BRMS1: variants seen among roughly 807,000 people sequenced by gnomAD.
BRMS1 encodes breast cancer metastasis-suppressor 1.
Under a neutral mutation model 40.4 loss-of-function variants are expected in BRMS1, and 26 were observed. That is an observed-to-expected ratio of 0.64 (90% CI 0.47 to 0.89). BRMS1 has a LOEUF of 0.89. BRMS1 is among the 40% of genes least tolerant of loss of function. The pLI, the probability that BRMS1 is intolerant of heterozygous loss-of-function variation, is 0.00. For missense variants in BRMS1, 289 were observed against 309.4 expected, an observed-to-expected ratio of 0.93 and a Z score of 0.49; for synonymous variants, 103 against 116.0, an observed-to-expected ratio of 0.89 and a Z score of 0.72.
chr11:66,342,056 C>CTGCGTG, intron 2 of BRMS1, 40 bp downstream of exon 2: 1 of 1,490,350 alleles, frequency 6.7e-7, no homozygotes, highest in Non-Finnish European at 9.2e-7. Context: ...TGTAGGGGCT[C>CTGCGTG]TGTGTGTGTG....
rs34601808 is a variant in BRMS1 at position 66,341,526 on chromosome 11, C to A, written c.230+7G>T. On this transcript the variant is annotated splice_region_variant and intron_variant, in intron 3 of 9. Coordinates refer to ENST00000359957, the MANE Select transcript of BRMS1 (RefSeq NM_015399.4). This position sits in a 1 kb window ranked among gnomAD's most constrained non-coding sequence, Gnocchi z 4.9. ...GCAGACCCAGCCCAAGGTGTCCCCACGCTCACTTCTCCTTTAGCTCCGAGA... is the reference window on the plus strand; with the variant it reads ...GCAGACCCAGCCCAAGGTGTCCCCAAGCTCACTTCTCCTTTAGCTCCGAGA... The A allele has an allele frequency of 1.2e-6, 2 of 1,613,822 alleles. No homozygotes were observed. The highest frequency in any genetic ancestry group is 1.7e-6 in the Non-Finnish European group (2 of 1,179,794).
rs1486397782 is a variant in BRMS1, at chr11:66,337,579, T to G, written c.*303A>C. The G allele has an allele frequency of 2.5e-5, 27 of 1,099,502 alleles. No homozygotes were observed. Among genetic ancestry groups the G allele is most frequent in the Non-Finnish European group, 3.4e-5 (27 of 784,852 alleles). The allele number at this position is 1,099,502 out of a possible 1,614,324, so 68.1% of individuals were successfully genotyped here. A position where few individuals can be genotyped will look rare whatever the true frequency, so the allele number is the denominator to read the frequency against. On this transcript the variant is annotated 3_prime_UTR_variant, in exon 10 of 10. Coordinates refer to ENST00000359957, the MANE Select transcript of BRMS1 (RefSeq NM_015399.4). Reference sequence around the variant, plus strand: ...TGTGGCTTTGACTTCGGCTGTCTTCTCTGTCAGGGGAGCCCCAAGAGATGG... The same window carrying G: ...TGTGGCTTTGACTTCGGCTGTCTTCGCTGTCAGGGGAGCCCCAAGAGATGG...
intron 8 of BRMS1, 61 bp downstream of exon 8, chr11:66,338,660 C>G: frequency 1.2e-6 from 2 of 1,612,826 alleles, no homozygotes; most frequent in Non-Finnish European, 1.7e-6. Context: ...GATGGCAGAG[C>G]TGCTGCCAGG....
In BRMS1 at chr11:66,341,800, G is replaced by C. The variant is rs1855085831; in HGVS notation, c.140-177C>G. ...GTGTGTGCGTGTGTGCTTGTGTGTA[G>C]GGGCTGTGTGTGCATATGCGTGCGT... On this transcript the variant is annotated intron_variant, in intron 2 of 9. Coordinates refer to ENST00000359957, the MANE Select transcript of BRMS1 (RefSeq NM_015399.4). The surrounding 1 kb of genome is among the most constrained non-coding windows in gnomAD (Gnocchi z 4.9). 27 of 688,442 alleles carry C rather than the reference G, an allele frequency of 3.9e-5. No homozygotes were observed. In the South Asian group the frequency reaches 4.1e-4, roughly 11 times the overall value. 42.6% of individuals were successfully genotyped at this position (688,442 alleles called of 1,614,324 possible).
intron 1 of BRMS1, among the ~76,000 whole-genome samples, chr11:66,343,230 T>C (rs1005262491): frequency 1.3e-5 from 2 of 152,252 alleles, no homozygotes; most frequent in Non-Finnish European, 2.9e-5. Context: ...ACTGATCCCG[T>C]AGCATTAACC....
At position 66,341,738 on chromosome 11, in the gene BRMS1, G is replaced by T; in HGVS notation, c.140-115C>A. The T allele has an allele frequency of 1.1e-6, 1 of 891,030 alleles. No individual in the cohort carries two copies. Among genetic ancestry groups the T allele is most frequent in the Non-Finnish European group, 1.9e-6 (1 of 535,422 alleles). The allele number at this position is 891,030 out of a possible 1,614,324, so 55.2% of individuals were successfully genotyped here. On this transcript the variant is annotated intron_variant, in intron 2 of 9. Transcript: ENST00000359957. This position sits in a 1 kb window ranked among gnomAD's most constrained non-coding sequence, Gnocchi z 4.9. ...ATGCATGCCTGTGTGTAGGGCCTGT[G>T]TGTGTGTGCGCGTACATGCTTGTGT...
In BRMS1 at chr11:66,337,840, T is replaced by C; in HGVS notation, c.*42A>G. Reference sequence around the variant, plus strand: ...AGGAAGACGAGAATCCTGGGTGCAGTGCCAGCTGCTCTGAGGGTCCCCCTG... The same window carrying C: ...AGGAAGACGAGAATCCTGGGTGCAGCGCCAGCTGCTCTGAGGGTCCCCCTG... On this transcript the variant is annotated 3_prime_UTR_variant, in exon 10 of 10. Coordinates refer to ENST00000359957, the MANE Select transcript of BRMS1 (RefSeq NM_015399.4). 6.2e-7 allele frequency: 1 copy of C among 1,614,182 alleles called. No homozygotes were observed. Among genetic ancestry groups the C allele is most frequent in the Non-Finnish European group, 8.5e-7 (1 of 1,180,026 alleles).
chr11:66,338,944 G>A (rs1365648612), intron 7 of BRMS1, among the ~76,000 whole-genome samples, 159 bp from the exon 8 acceptor site: 1 of 152,024 alleles, frequency 6.6e-6, no homozygotes, highest in South Asian at 2.1e-4. Flanking sequence ...TAACCCCCTG[G>A]TTCCAGGGGT....
In BRMS1 at chr11:66,338,748, G is replaced by C; in HGVS notation, c.666C>G (p.Ile222Met). 1.9e-6 allele frequency: 3 copies of C among 1,595,012 alleles called. No individual in the cohort carries two copies. The highest frequency in any genetic ancestry group is 2.6e-6 in the Non-Finnish European group (3 of 1,169,782). ...TTTTGATGGCTGTCCAGTCCTCCAG[G>C]ATGTCGATCTCTTGAAGCATGTACA... is the stretch of plus-strand genomic sequence containing the variant. ...YIVYMLQEID[I>M]LEDWTAIKKA... Residue 222 changes from isoleucine (I) to methionine (M), a missense_variant, in exon 8 of 10, where the codon ATC (isoleucine) becomes ATG (methionine). Coordinates refer to ENST00000359957, the MANE Select transcript of BRMS1 (RefSeq NM_015399.4).
intron 2 of BRMS1, 89 bp downstream of exon 2, chr11:66,342,007 C>A: frequency 2.1e-6 from 3 of 1,413,710 alleles, no homozygotes; most frequent in Non-Finnish European, 2.9e-6. Context: ...CATGTGCGTG[C>A]ATGCTTGTGT....
Position 66,342,194 on chromosome 11 carries a change from T to G in BRMS1, c.41A>C (p.Glu14Ala). ...CTCAGCAGCAGAATCACCCTCTGCT[T>G]CCATCTCTTCTGTGTCTTTGCTTGG... is the stretch of plus-strand genomic sequence containing the variant. ...QPPSKDTEEM[E>A]AEGDSAAEMN... The change falls in exon 2 of 10, where the codon GAA becomes GCA. Residue 14 changes from glutamate (E) to alanine (A), a missense_variant. Physicochemically the swap from Glu to Ala is moderately radical, Grantham distance 107. Coordinates refer to ENST00000359957, the MANE Select transcript of BRMS1 (RefSeq NM_015399.4). The G allele has an allele frequency of 6.2e-7, 1 of 1,613,792 alleles. No homozygotes were observed. The highest frequency in any genetic ancestry group is 8.5e-7 in the Non-Finnish European group (1 of 1,179,992).
intron 8 of BRMS1, 33 bp downstream of exon 8, chr11:66,338,688 G>A (rs1481655109): frequency 1.2e-6 from 2 of 1,613,258 alleles, no homozygotes; most frequent in Non-Finnish European, 1.7e-6. Flanking sequence ...GCCCTGAGGT[G>A]GGGCAGGTCA....
At chr11:66,339,604 G>A (rs1318835592) in intron 7 of BRMS1, among the ~76,000 whole-genome samples, 12 of 152,184 alleles carry the variant, frequency 7.9e-5, no homozygotes, top group Admixed American at 1.3e-4. Flanking sequence ...GGACAACCCC[G>A]GGAGATGGAA....
At chr11:66,343,134 C>A (rs1293636568) in intron 1 of BRMS1, among the ~76,000 whole-genome samples, 2 of 152,226 alleles carry the variant, frequency 1.3e-5, no homozygotes, top group African/African-American at 4.8e-5. Context: ...TTTGCCACTT[C>A]ACAGTTACAC....
Position 66,341,658 on chromosome 11 carries a change from G to A in BRMS1, c.140-35C>T, listed in dbSNP as rs375065379. Reference sequence around the variant, plus strand: ...GAGGCCAGTAAGGGCTAGCTCTGGGGAGGAGTGGTGGGTACCCGCATGTGT... The same window carrying A: ...GAGGCCAGTAAGGGCTAGCTCTGGGAAGGAGTGGTGGGTACCCGCATGTGT... On this transcript the variant is annotated intron_variant, in intron 2 of 9. Transcript: ENST00000359957. This position sits in a 1 kb window ranked among gnomAD's most constrained non-coding sequence, Gnocchi z 4.9. The A allele has an allele frequency of 8.8e-6, 14 of 1,587,376 alleles. No individual in the cohort carries two copies. The highest frequency in any genetic ancestry group is 5.0e-5 in the Admixed American group (3 of 59,992).
chr11:66,341,723 G>A lies in BRMS1; in HGVS notation c.140-100C>T, dbSNP rs952655334. 2.7e-5 allele frequency: 27 copies of A among 994,262 alleles called. No homozygotes were observed. The highest frequency in any genetic ancestry group is 4.0e-5 in the Non-Finnish European group (25 of 624,794). 61.6% of individuals were successfully genotyped at this position (994,262 alleles called of 1,614,324 possible). A position where few individuals can be genotyped will look rare whatever the true frequency, so the allele number is the denominator to read the frequency against. On this transcript the variant is annotated intron_variant, in intron 2 of 9. Coordinates refer to ENST00000359957, the MANE Select transcript of BRMS1 (RefSeq NM_015399.4). This position sits in a 1 kb window ranked among gnomAD's most constrained non-coding sequence, Gnocchi z 4.9. ...CATGTGTGTGTGTGCATGCATGCCT[G>A]TGTGTAGGGCCTGTGTGTGTGTGCG...
intron 2 of BRMS1, 75 bp downstream of exon 2, chr11:66,342,021 G>A (rs1181299128): frequency 1.3e-6 from 2 of 1,500,524 alleles, no homozygotes; most frequent in Admixed American, 1.9e-5. Flanking sequence ...CTTGTGTGTA[G>A]GGGCTGTGTG....
At chr11:66,340,002 A>G in intron 7 of BRMS1, 119 bp downstream of exon 7, 1 of 753,762 alleles carries the variant, frequency 1.3e-6, no homozygotes. Context: ...CATGACACCA[A>G]GCAACCACGA....
Position 66,338,798 on chromosome 11 carries a change from T to C in BRMS1, c.629-13A>G. ...ACGATGTATGGGCCTGTGGTGGGGG[T>C]CAAGGAAGCCTAGTGGAGGTGGCAG... On this transcript the variant is annotated splice_polypyrimidine_tract_variant and intron_variant, in intron 7 of 9. Coordinates refer to ENST00000359957, the MANE Select transcript of BRMS1 (RefSeq NM_015399.4). The C allele has an allele frequency of 1.3e-6, 2 of 1,525,670 alleles. No individual in the cohort carries two copies. Among genetic ancestry groups the C allele is most frequent in the Non-Finnish European group, 1.8e-6 (2 of 1,135,508 alleles). The allele number at this position is 1,525,670 out of a possible 1,614,324, so 94.5% of individuals were successfully genotyped here. A position where few individuals can be genotyped will look rare whatever the true frequency, so the allele number is the denominator to read the frequency against.
Sources: allele counts gnomAD v4.1 joint callset (sites outside exome capture counted in the v4.1 genomes callset), GRCh38; gene constraint gnomAD v4.1.1; non-coding constraint Gnocchi (gnomAD v3.1); transcripts MANE v1.5; gene names NCBI Gene and HGNC (gene_info 2026-07-23, HGNC 2026-07-21).